CSPG5: variants seen among roughly 807,000 people sequenced by gnomAD.
CSPG5 encodes acidic leucine-rich EGF-like domain-containing brain protein.
A neutral mutation model predicts 39.8 loss-of-function variants in CSPG5; 25 were observed. The ratio of observed to expected loss-of-function variants is 0.63; its 90% CI spans 0.46 to 0.88. The LOEUF (loss-of-function observed/expected upper bound fraction) is 0.88. Ranked by LOEUF, CSPG5 falls within the 40% of genes least tolerant of loss-of-function variation. The pLI, the probability that CSPG5 is intolerant of heterozygous loss-of-function variation, is 0.00. For missense variants in CSPG5, 627 were observed against 702.2 expected (o/e 0.89, Z 1.21); for synonymous variants, 295 against 303.9 (o/e 0.97, Z 0.31).
At chr3:47,574,865 G>A (rs2031650032) in intron 2 of CSPG5, among the ~76,000 whole-genome samples, 1 of 152,090 alleles carries the variant, frequency 6.6e-6, no homozygotes, top group Admixed American at 6.6e-5. Flanking sequence ...CATGAACCTG[G>A]GAGGCGGAGC....
intron 4 of CSPG5, among the ~76,000 whole-genome samples, chr3:47,566,835 C>A (rs540312141): frequency 6.6e-6 from 1 of 152,228 alleles, no homozygotes; most frequent in Non-Finnish European, 1.5e-5. Context: ...CAGCCTCACC[C>A]GCCCTGTGGC....
chr3:47,571,593 G>A (rs936552466), intron 3 of CSPG5, among the ~76,000 whole-genome samples: 7 of 152,230 alleles, frequency 4.6e-5, no homozygotes, highest in South Asian at 2.1e-4. Flanking sequence ...TACCAGCCCC[G>A]CGGCGGTTAG....
intron 4 of CSPG5, among the ~76,000 whole-genome samples, chr3:47,563,665 C>G (rs559633010): frequency 1.3e-5 from 2 of 152,060 alleles, no homozygotes; most frequent in Non-Finnish European, 2.9e-5. Flanking sequence ...AAGGGATTCT[C>G]GTGCCTCAGT....
At chr3:47,564,725 A>G (rs11716779) in intron 4 of CSPG5, among the ~76,000 whole-genome samples, 27,198 of 152,160 alleles carry the variant, frequency 0.18, 3,032 homozygotes, top group South Asian at 0.25. Flanking sequence ...GGGGTAGAAC[A>G]TGTATAGCAA....
At chr3:47,570,157 T>C (rs1396442224) in intron 3 of CSPG5, among the ~76,000 whole-genome samples, 1 of 152,116 alleles carries the variant, frequency 6.6e-6, no homozygotes, top group African/African-American at 2.4e-5. Flanking sequence ...GGTATATGTG[T>C]GTCATGGTAG....
intron 4 of CSPG5, 139 bp downstream of exon 4, chr3:47,569,013 G>C (rs1480094808): frequency 3.2e-5 from 44 of 1,384,474 alleles, no homozygotes; most frequent in Non-Finnish European, 3.7e-5. Flanking sequence ...ATAGACATCA[G>C]ACATGGGCCA....
Position 47,572,639 on chromosome 3 carries a change from C to A in CSPG5, c.1382+47G>T. On this transcript the variant is annotated intron_variant, in intron 3 of 4. Coordinates refer to ENST00000264723, the MANE Select transcript of CSPG5 (RefSeq NM_006574.4). This position sits in a 1 kb window ranked among gnomAD's most constrained non-coding sequence, Gnocchi z 4.5. ...GGAGGGGTGCAGCAGCGTCGGGGGG[C>A]CTCCCACACCCTGACCTGGGTGGAT... 1.3e-6 allele frequency: 2 copies of A among 1,542,394 alleles called. No individual in the cohort carries two copies. The highest frequency in any genetic ancestry group is 1.8e-6 in the Non-Finnish European group (2 of 1,120,242).
chr3:47,563,292 G>A (rs1409012821), intron 4 of CSPG5, among the ~76,000 whole-genome samples: 1 of 152,210 alleles, frequency 6.6e-6, no homozygotes, highest in African/African-American at 2.4e-5. Context: ...CCGCTGACTA[G>A]AGGTCAAAGA....
chr3:47,562,509 G>T lies in CSPG5; in HGVS notation c.*91C>A. On this transcript the variant is annotated 3_prime_UTR_variant, in exon 5 of 5. Transcript: ENST00000264723. Reference sequence around the variant, plus strand: ...GAAAAAGAAAAGAGTTTAACAAATGGTTACAAGAAATAGACTCTGTACAAG... The same window carrying T: ...GAAAAAGAAAAGAGTTTAACAAATGTTTACAAGAAATAGACTCTGTACAAG... 1 of 1,244,864 alleles carries T rather than the reference G, an allele frequency of 8.0e-7. No individual in the cohort carries two copies. The highest frequency in any genetic ancestry group is 1.1e-6 in the Non-Finnish European group (1 of 901,490). 77.1% of individuals were successfully genotyped at this position (1,244,864 alleles called of 1,614,324 possible). A position where few individuals can be genotyped will look rare whatever the true frequency, so the allele number is the denominator to read the frequency against.
At chr3:47,573,254 T>C (rs2031592517) in intron 2 of CSPG5, among the ~76,000 whole-genome samples, 1 of 152,188 alleles carries the variant, frequency 6.6e-6, no homozygotes, top group Non-Finnish European at 1.5e-5. Flanking sequence ...CCCTGGGCTC[T>C]GGGTGAAAGA....
At chr3:47,571,095 TAA>T (rs138935167) in intron 3 of CSPG5, among the ~76,000 whole-genome samples, 40 of 143,104 alleles carry the variant, frequency 2.8e-4, no homozygotes, top group Non-Finnish European at 2.3e-4. Flanking sequence ...TCAATTAAAT[TAA>T]AAAAAAAAAA....
At chr3:47,576,393 C>A (rs1163077858) in intron 2 of CSPG5, among the ~76,000 whole-genome samples, 3 of 152,054 alleles carry the variant, frequency 2.0e-5, no homozygotes, top group African/African-American at 7.2e-5. Flanking sequence ...CATTTCTCCA[C>A]CTGGGAATCC....
In CSPG5 at chr3:47,578,187, A is replaced by G; in HGVS notation, c.98-259T>C. 2.1e-6 allele frequency: 1 copy of G among 480,828 alleles called. No homozygotes were observed. The highest frequency in any genetic ancestry group is 3.3e-6 in the Non-Finnish European group (1 of 306,892). 29.8% of individuals were successfully genotyped at this position (480,828 alleles called of 1,614,324 possible). ...GCCCGACCTGCCCCGCCGTCTGAAG[A>G]GCCAGGCCAGGGCGGCCCCCAGCTC... On this transcript the variant is annotated intron_variant, in intron 1 of 4. Coordinates refer to ENST00000264723, the MANE Select transcript of CSPG5 (RefSeq NM_006574.4). This position sits in a 1 kb window ranked among gnomAD's most constrained non-coding sequence, Gnocchi z 6.0.
chr3:47,569,164 G>T lies in CSPG5; in HGVS notation c.1446C>A (p.Gly482=), dbSNP rs1387973200. The change falls in exon 4 of 5, where the codon GGC becomes GGA. Residue 482 remains glycine, a synonymous_variant. Transcript: ENST00000264723. ...DNFSLSTIAE[G]SHPNDDPSAP... is the part of the protein sequence containing the mutation. ...AAAGTTTCCTTACATTTGGGTGAGA[G>T]CCCTCGGCAATGGTGGAGAGGGAGA... 6.2e-7 allele frequency: 1 copy of T among 1,611,816 alleles called. No individual in the cohort carries two copies. Among genetic ancestry groups the T allele is most frequent in the African/African-American group, 1.3e-5 (1 of 74,674 alleles).
chr3:47,572,613 T>C lies in CSPG5; in HGVS notation c.1382+73A>G. ...CTCACGACAAAGTCCCTGGATCAGT[T>C]GGAGGGGTGCAGCAGCGTCGGGGGG... On this transcript the variant is annotated intron_variant, in intron 3 of 4. Coordinates refer to ENST00000264723, the MANE Select transcript of CSPG5 (RefSeq NM_006574.4). The surrounding 1 kb of genome is among the most constrained non-coding windows in gnomAD (Gnocchi z 4.5). The C allele has an allele frequency of 1.5e-6, 2 of 1,299,634 alleles. No homozygotes were observed. Among genetic ancestry groups the C allele is most frequent in the Admixed American group, 3.6e-5 (2 of 54,834 alleles). 80.5% of individuals were successfully genotyped at this position (1,299,634 alleles called of 1,614,324 possible).
In CSPG5 at chr3:47,577,001, C is replaced by G. The variant is rs777267541; in HGVS notation, c.1025G>C (p.Arg342Pro). Residue 342 changes from arginine to proline, a missense_variant, in exon 2 of 5, where the codon CGC (arginine) becomes CCC (proline). Physicochemically the swap from Arg to Pro is moderately radical, Grantham distance 103. Coordinates refer to ENST00000264723, the MANE Select transcript of CSPG5 (RefSeq NM_006574.4). This position sits in a 1 kb window ranked among gnomAD's most constrained non-coding sequence, Gnocchi z 4.7. The stretch of plus-strand genomic sequence containing the variant: ...CAAGTCCCTGCCTGGCTCTCCTGGG[C>G]GGGGCCTGAGGGCGATGCTGCTGCC... ...VPGSSIALRP[R>P]PGEPGRDLAS... 6.2e-7 allele frequency: 1 copy of G among 1,613,182 alleles called. No homozygotes were observed. Among genetic ancestry groups the G allele is most frequent in the Non-Finnish European group, 8.5e-7 (1 of 1,179,552 alleles).
At chr3:47,573,770 A>T (rs753691295) in intron 2 of CSPG5, among the ~76,000 whole-genome samples, 55 of 152,318 alleles carry the variant, frequency 3.6e-4, no homozygotes, top group Non-Finnish European at 7.1e-4. Context: ...GCTACTCCAC[A>T]TCTAGAATAG....
At chr3:47,576,405 G>A (rs2031732239) in intron 2 of CSPG5, among the ~76,000 whole-genome samples, 1 of 151,800 alleles carries the variant, frequency 6.6e-6, no homozygotes, top group Non-Finnish European at 1.5e-5. Flanking sequence ...TGGGAATCCT[G>A]CGACTGTACA....
rs2031423625 is a variant in CSPG5, at chr3:47,569,110, A to G, written c.1458+42T>C. On this transcript the variant is annotated intron_variant, in intron 4 of 4. Coordinates refer to ENST00000264723, the MANE Select transcript of CSPG5 (RefSeq NM_006574.4). ...TATCATAGTGAGCCAAGGCACGGGCATGGGGGGAGGAGGTACGGGGAGTGT... is the reference window on the plus strand; with the variant it reads ...TATCATAGTGAGCCAAGGCACGGGCGTGGGGGGAGGAGGTACGGGGAGTGT... The G allele has an allele frequency of 2.5e-6, 4 of 1,586,796 alleles. No homozygotes were observed. In the African/African-American group the frequency reaches 5.5e-5, roughly 22 times the overall value.
Sources: gnomAD v4.1 joint callset for allele counts (sites outside exome capture counted in the v4.1 genomes callset) on GRCh38, gnomAD v4.1.1 for gene constraint, Gnocchi (gnomAD v3.1) non-coding constraint, MANE v1.5 for transcripts, NCBI Gene and HGNC (gene_info 2026-07-23, HGNC 2026-07-21) for gene names.